Variants in CNTNAP2 observed in about 807,000 individuals in gnomAD.
CNTNAP2 encodes contactin-associated protein-like 2.
Under a neutral mutation model 155.2 loss-of-function variants are expected in CNTNAP2, and 98 were observed. That is an observed-to-expected ratio of 0.63 (90% CI 0.54 to 0.75). CNTNAP2 has a LOEUF of 0.75. CNTNAP2 is among the 30% of genes least tolerant of loss of function. The pLI, the probability that CNTNAP2 is intolerant of heterozygous loss-of-function variation, is 0.00. For missense variants in CNTNAP2, 1,727 were observed against 1,688.1 expected (o/e 1.02, Z -0.40); for synonymous variants, 651 against 631.2 (o/e 1.03, Z -0.47).
At chr7:146,618,505 G>A (rs1318878941) in intron 1 of CNTNAP2, among the ~76,000 whole-genome samples, 1 of 152,034 alleles carries the variant, frequency 6.6e-6, no homozygotes, top group East Asian at 1.9e-4. Context: ...TAATTTTGGG[G>A]AAGACTGTTC....
intron 13 of CNTNAP2, among the ~76,000 whole-genome samples, chr7:147,871,426 A>G (rs1799324482): frequency 6.6e-6 from 1 of 152,176 alleles, no homozygotes; most frequent in Non-Finnish European, 1.5e-5. Flanking sequence ...TTTCATTTGA[A>G]CTGTAATATT....
rs79039458 is a variant in CNTNAP2, at chr7:147,132,469, C to T, written c.1308C>T (p.Asn436=). The change falls in exon 8 of 24, where the codon AAC becomes AAT. Residue 436 remains asparagine, a synonymous_variant. Transcript: ENST00000361727. ...AAAGCAAAGTGGGTGTTCACATCAA[C>T]ATCACACAGACCAAGATGAGCCAAA... ...LTESKVGVHI[N]ITQTKMSQID... 2,178 of 1,613,636 alleles carry T rather than the reference C, an allele frequency of 1.3e-3. 34 individuals carry two copies. In the African/African-American group the frequency reaches 0.024, roughly 18 times the overall value.
At chr7:147,723,503 G>A (rs1239222265) in intron 13 of CNTNAP2, among the ~76,000 whole-genome samples, 1 of 151,866 alleles carries the variant, frequency 6.6e-6, no homozygotes, top group East Asian at 1.9e-4. Context: ...CGGGACATTG[G>A]TAAGGAAAGG....
chr7:146,385,144 AT>A lies in CNTNAP2; in HGVS notation c.97+268180del, dbSNP rs551575570. On this transcript the variant is annotated intron_variant, in intron 1 of 23. Coordinates refer to ENST00000361727, the MANE Select transcript of CNTNAP2 (RefSeq NM_014141.6). ...CCATTGTATGAAATCACCATATTCC[AT>A]TTTTTTTTCTACCACTAGGTTTCCT... Among the ~76,000 whole-genome samples the A allele has an allele frequency of 1.5e-3, 233 of 150,902 alleles. 1 individual carries two copies. The highest frequency in any genetic ancestry group is 5.3e-3 in the African/African-American group (217 of 41,146).
At chr7:147,052,714 A>G (rs796831182) in intron 4 of CNTNAP2, among the ~76,000 whole-genome samples, 25 of 152,120 alleles carry the variant, frequency 1.6e-4, no homozygotes, top group African/African-American at 5.3e-4. Context: ...CAGAGGAAAA[A>G]AAACCACCCA....
At chr7:147,451,351 CTAA>C (rs1379517812) in intron 10 of CNTNAP2, among the ~76,000 whole-genome samples, 2 of 152,272 alleles carry the variant, frequency 1.3e-5, no homozygotes, top group African/African-American at 4.8e-5. Flanking sequence ...TTGGATACCA[CTAA>C]TAATATCTCG....
intron 1 of CNTNAP2, among the ~76,000 whole-genome samples, chr7:146,445,294 A>G (rs1796387147): frequency 6.6e-6 from 1 of 152,190 alleles, no homozygotes; most frequent in Non-Finnish European, 1.5e-5. Context: ...AGTATCATAG[A>G]TTGAGTAGCT....
intron 15 of CNTNAP2, among the ~76,000 whole-genome samples, chr7:148,019,521 G>C (rs1802239655): frequency 1.3e-5 from 2 of 152,096 alleles, no homozygotes; most frequent in Non-Finnish European, 2.9e-5. Flanking sequence ...GTGCAGTTGT[G>C]ATATCTTGGC....
At chr7:146,296,411 C>T (rs1280665629) in intron 1 of CNTNAP2, among the ~76,000 whole-genome samples, 1 of 152,066 alleles carries the variant, frequency 6.6e-6, no homozygotes, top group African/African-American at 2.4e-5. Flanking sequence ...GCAATGAAAC[C>T]CCTTTCTTTG....
intron 16 of CNTNAP2, among the ~76,000 whole-genome samples, chr7:148,121,385 T>A (rs536074149): frequency 7.9e-5 from 12 of 152,158 alleles, no homozygotes; most frequent in Non-Finnish European, 1.5e-4. Context: ...CCTGAGACAT[T>A]GGGTAGAGAA....
chr7:146,518,953 C>A (rs979184374), intron 1 of CNTNAP2, among the ~76,000 whole-genome samples: 4 of 151,916 alleles, frequency 2.6e-5, no homozygotes, highest in African/African-American at 9.7e-5. Context: ...AACTTCGTGG[C>A]CACACAGTTG....
Position 147,562,013 on chromosome 7 carries a change from G to A in CNTNAP2, c.1778-125G>A, listed in dbSNP as rs4425670. ...GAATTTAAATTTAGAGACAAAGAAC[G>A]CTCTTTCCAGGAAGAACTACTCCTA... On this transcript the variant is annotated intron_variant, in intron 11 of 23. Coordinates refer to ENST00000361727, the MANE Select transcript of CNTNAP2 (RefSeq NM_014141.6). The A allele has an allele frequency of 0.28, 347,814 of 1,241,514 alleles. 51,367 individuals carry two copies. The highest frequency in any genetic ancestry group is 0.3 in the Non-Finnish European group (261,062 of 857,970). 76.9% of individuals were successfully genotyped at this position (1,241,514 alleles called of 1,614,324 possible).
At chr7:146,822,691 A>T (rs942900501) in intron 2 of CNTNAP2, among the ~76,000 whole-genome samples, 4 of 147,138 alleles carry the variant, frequency 2.7e-5, no homozygotes, top group East Asian at 2.0e-4. Flanking sequence ...GCATATTTAT[A>T]TATAAATATT....
chr7:146,941,890 T>C (rs1283324417), intron 3 of CNTNAP2, among the ~76,000 whole-genome samples: 1 of 152,084 alleles, frequency 6.6e-6, no homozygotes, highest in Non-Finnish European at 1.5e-5. Context: ...TTATATGTTA[T>C]TTGCTGCTTT....
intron 12 of CNTNAP2, among the ~76,000 whole-genome samples, chr7:147,635,468 T>A (rs767569379): frequency 1.3e-5 from 2 of 152,076 alleles, no homozygotes; most frequent in Non-Finnish European, 2.9e-5. Flanking sequence ...GTGGTTTCCT[T>A]AGATACATTC....
At chr7:146,629,724 T>C (rs1479032961) in intron 1 of CNTNAP2, among the ~76,000 whole-genome samples, 1 of 152,132 alleles carries the variant, frequency 6.6e-6, no homozygotes, top group Non-Finnish European at 1.5e-5. Context: ...GCAGATTATA[T>C]GTTACATGGA....
At chr7:146,708,480 G>A (rs1801005194) in intron 1 of CNTNAP2, among the ~76,000 whole-genome samples, 1 of 148,348 alleles carries the variant, frequency 6.7e-6, no homozygotes, top group East Asian at 2.0e-4. Flanking sequence ...AAATAAATGA[G>A]CTATTTAGCC....
chr7:147,045,193 T>C (rs2129255811), intron 4 of CNTNAP2, among the ~76,000 whole-genome samples: 1 of 152,270 alleles, frequency 6.6e-6, no homozygotes, highest in South Asian at 2.1e-4. Flanking sequence ...TTCTCTATGT[T>C]ATGCAAAAAG....
Position 147,033,170 on chromosome 7 carries a change from A to ATG in CNTNAP2, c.403-10736_403-10735insGT, listed in dbSNP as rs1203825267. Among the ~76,000 whole-genome samples the ATG allele has an allele frequency of 8.8e-3, 406 of 46,226 alleles. 4 individuals are homozygous for ATG. Among genetic ancestry groups the ATG allele is most frequent in the African/African-American group, 0.031 (383 of 12,174 alleles). The allele number at this position is 46,226 out of a possible 152,430, so 30.3% of individuals were successfully genotyped here. On this transcript the variant is annotated intron_variant, in intron 3 of 23. Coordinates refer to ENST00000361727, the MANE Select transcript of CNTNAP2 (RefSeq NM_014141.6). Reference sequence around the variant, plus strand: ...TGCATATATATATATGTATATATATATATATATATATATATATATATATAT... The same window carrying ATG: ...TGCATATATATATATGTATATATATATGTATATATATATATATATATATATAT...
Sources: allele counts gnomAD v4.1 joint callset (sites outside exome capture counted in the v4.1 genomes callset), GRCh38; gene constraint gnomAD v4.1.1; transcripts MANE v1.5; gene names NCBI Gene and HGNC (gene_info 2026-07-23, HGNC 2026-07-21).